C6orf89: variants seen among roughly 807,000 people sequenced by gnomAD.
C6orf89 encodes the protein bombesin receptor-activated protein C6orf89.
In C6orf89, 29 loss-of-function variants were observed where a neutral mutation model predicts 40.7. The observed-to-expected ratio is 0.71, with a 90% confidence interval of 0.53 to 0.97. The LOEUF (loss-of-function observed/expected upper bound fraction) is 0.97, where lower values mean the gene tolerates loss of function less well. Among genes scored for constraint, C6orf89 ranks in the 50% least tolerant of loss-of-function variants. The pLI, the probability that C6orf89 is intolerant of heterozygous loss-of-function variation, is 0.00. For missense variants in C6orf89, 392 were observed against 429.1 expected (o/e 0.91, Z 0.76); for synonymous variants, 165 against 152.2 (o/e 1.08, Z -0.62).
At position 36,910,728 on chromosome 6, in the gene C6orf89, A is replaced by T. The variant is rs922788677; in HGVS notation, c.404-3556A>T. 2.9e-5 allele frequency among the ~76,000 whole-genome samples: 4 copies of T among 139,208 alleles called. No individual in the cohort carries two copies. The South Asian group carries it at 6.7e-4, about 23-fold the overall frequency. The allele number at this position is 139,208 out of a possible 152,430, so 91.3% of individuals were successfully genotyped here. On this transcript the variant is annotated intron_variant, in intron 4 of 8. Transcript: ENST00000480824. ...GGCGACAGAGCAAGACCCTGTCTCT[A>T]AAAAAAAAAAAAAGGCTGGTCTCAA...
intron 4 of C6orf89, among the ~76,000 whole-genome samples, chr6:36,908,924 T>C (rs764763362): frequency 6.6e-6 from 1 of 152,228 alleles, no homozygotes; most frequent in Non-Finnish European, 1.5e-5. Context: ...CTGCTTTCTA[T>C]GTGTGTCTTT....
intron 7 of C6orf89, among the ~76,000 whole-genome samples, chr6:36,917,586 A>T (rs1250419430): frequency 6.6e-6 from 1 of 152,196 alleles, no homozygotes; most frequent in African/African-American, 2.4e-5. Context: ...CCACCTCCTG[A>T]TACTATCGCT....
At chr6:36,914,138 C>A in intron 4 of C6orf89, 146 bp from the exon 5 acceptor site, 2 of 757,778 alleles carry the variant, frequency 2.6e-6, no homozygotes, top group South Asian at 2.0e-5. Context: ...CCAGCCTGGG[C>A]GACAGAGTGA....
intron 2 of C6orf89, among the ~76,000 whole-genome samples, chr6:36,879,910 G>A (rs1388236633): frequency 3.3e-5 from 5 of 152,174 alleles, no homozygotes; most frequent in African/African-American, 9.7e-5. Context: ...AAAAGCCTCT[G>A]CAAGCTCAAA....
Position 36,914,780 on chromosome 6 carries a change from A to G in C6orf89, c.695+87A>G, listed in dbSNP as rs560223039. On this transcript the variant is annotated intron_variant, in intron 6 of 8. Coordinates refer to ENST00000480824, the MANE Select transcript of C6orf89 (RefSeq NM_001286635.2). ...CGAGGCAGGCAGATCACTTGAGCCT[A>G]GGAGTTGCAGACCAGCCTGGCCAAC... 87 of 1,508,774 alleles carry G rather than the reference A, an allele frequency of 5.8e-5. 2 individuals carry two copies. In the African/African-American group the frequency reaches 1.1e-3, roughly 20 times the overall value. 93.5% of individuals were successfully genotyped at this position (1,508,774 alleles called of 1,614,324 possible). A position where few individuals can be genotyped will look rare whatever the true frequency, so the allele number is the denominator to read the frequency against.
At chr6:36,889,617 GT>G (rs1775123161) in intron 1 of C6orf89, among the ~76,000 whole-genome samples, 1 of 151,868 alleles carries the variant, frequency 6.6e-6, no homozygotes, top group Non-Finnish European at 1.5e-5. Context: ...CTGGGGACTT[GT>G]TCTGAAGTTA....
chr6:36,886,081 T>TCGC (rs5875560), intron 1 of C6orf89, 53 bp downstream of exon 1: 1,230,722 of 1,230,834 alleles, frequency 1, 615,305 homozygotes, highest in Middle Eastern at 1. Flanking sequence ...TGTGACAGCC[T>TCGC]CGCCGCGCCC....
Position 36,923,791 on chromosome 6 carries a change from C to T in C6orf89, c.*350C>T, listed in dbSNP as rs958575607. The T allele has an allele frequency of 8.5e-6, 3 of 353,104 alleles. No individual in the cohort carries two copies. The highest frequency in any genetic ancestry group is 5.5e-6 in the Non-Finnish European group (1 of 180,302). The allele number at this position is 353,104 out of a possible 1,614,324, so 21.9% of individuals were successfully genotyped here. ...TTTCTTCACCTGCATGGCCAGCTTCCTTCCCTGGCAGTGGAGAGGGCAGCC... is the reference window on the plus strand; with the variant it reads ...TTTCTTCACCTGCATGGCCAGCTTCTTTCCCTGGCAGTGGAGAGGGCAGCC... On this transcript the variant is annotated 3_prime_UTR_variant, in exon 9 of 9. Coordinates refer to ENST00000480824, the MANE Select transcript of C6orf89 (RefSeq NM_001286635.2).
At chr6:36,894,167 A>C (rs991996316) in intron 1 of C6orf89, among the ~76,000 whole-genome samples, 2 of 152,074 alleles carry the variant, frequency 1.3e-5, no homozygotes, top group African/African-American at 4.8e-5. Flanking sequence ...TCCTACCGGC[A>C]CACCGTGTTC....
intron 3 of C6orf89, 136 bp downstream of exon 3, chr6:36,899,769 C>A: frequency 1.3e-6 from 1 of 759,640 alleles, no homozygotes; most frequent in Non-Finnish European, 2.1e-6. Flanking sequence ...GCTCTTGTTA[C>A]CATGTGTTAC....
chr6:36,914,810 C>G, intron 6 of C6orf89, 117 bp downstream of exon 6: 4 of 1,232,860 alleles, frequency 3.2e-6, no homozygotes, highest in Non-Finnish European at 4.6e-6. Flanking sequence ...GCCAACATGG[C>G]AAAACCCCAT....
upstream of C6orf89, among the ~76,000 whole-genome samples, chr6:36,882,048 AAAC>A (rs2150670554): frequency 6.6e-6 from 1 of 151,542 alleles, no homozygotes; most frequent in African/African-American, 2.4e-5. Context: ...CCTTTTAAAT[AAAC>A]AACAAAAAAA....
upstream of C6orf89, among the ~76,000 whole-genome samples, chr6:36,882,740 T>TC (rs1774856135): frequency 8.5e-6 from 1 of 117,840 alleles, no homozygotes; most frequent in Non-Finnish European, 1.9e-5. Flanking sequence ...TTTTCTTTTT[T>TC]TTTTTTTTGA....
chr6:36,894,057 A>G (rs953797724), intron 1 of C6orf89, among the ~76,000 whole-genome samples: 2 of 152,032 alleles, frequency 1.3e-5, no homozygotes, highest in African/African-American at 4.8e-5. Flanking sequence ...AGGAAAAAAA[A>G]AAGACTTGAG....
chr6:36,903,204 A>C (rs1304984213), intron 4 of C6orf89, among the ~76,000 whole-genome samples: 1 of 151,718 alleles, frequency 6.6e-6, no homozygotes, highest in Non-Finnish European at 1.5e-5. Flanking sequence ...TGGGCAACAT[A>C]GCGAGACCCT....
At chr6:36,917,159 C>T (rs1383781720) in intron 7 of C6orf89, among the ~76,000 whole-genome samples, 1 of 152,148 alleles carries the variant, frequency 6.6e-6, no homozygotes, top group Non-Finnish European at 1.5e-5. Flanking sequence ...AAGTGAGTTG[C>T]CCAAGGACAC....
intron 4 of C6orf89, among the ~76,000 whole-genome samples, chr6:36,908,224 C>T (rs1761996010): frequency 6.6e-6 from 1 of 152,176 alleles, no homozygotes; most frequent in South Asian, 2.1e-4. Flanking sequence ...TACCCCATTC[C>T]AGTGATCCTT....
In C6orf89 at chr6:36,923,519, G is replaced by A. The variant is rs747733596; in HGVS notation, c.*78G>A. The A allele has an allele frequency of 3.6e-6, 4 of 1,126,046 alleles. No homozygotes were observed. The Admixed American group carries it at 5.6e-5, about 16-fold the overall frequency. 69.8% of individuals were successfully genotyped at this position (1,126,046 alleles called of 1,614,324 possible). A position where few individuals can be genotyped will look rare whatever the true frequency, so the allele number is the denominator to read the frequency against. On this transcript the variant is annotated 3_prime_UTR_variant, in exon 9 of 9. Transcript: ENST00000480824. ...GGGGAAAAATAAAAACAAAAACGAT[G>A]AAACTGCTTTCTGGGGGTTGGTTAC...
intron 1 of C6orf89, chr6:36,874,775 C>A: frequency 1.9e-6 from 3 of 1,614,082 alleles, no homozygotes; most frequent in African/African-American, 2.7e-5. Flanking sequence ...GCCGCCATAG[C>A]GAAGCCGGCG....
Sources: gnomAD v4.1 joint callset for allele counts (sites outside exome capture counted in the v4.1 genomes callset) on GRCh38, gnomAD v4.1.1 for gene constraint, MANE v1.5 for transcripts, NCBI Gene and HGNC (gene_info 2026-07-23, HGNC 2026-07-21) for gene names.